XPC: variants seen among roughly 807,000 people sequenced by gnomAD.
XPC encodes XPC complex subunit, DNA damage recognition and repair factor.
Under a neutral mutation model 95.8 loss-of-function variants are expected in XPC, and 76 were observed. The observed-to-expected ratio is 0.79, with a 90% CI of 0.66 to 0.96. The LOEUF is 0.96. Among genes scored for constraint, XPC ranks in the 40% least tolerant of loss-of-function variants. The pLI is 0.00. For synonymous variants in XPC, 442 were observed against 442.1 expected (o/e 1.00, Z 0.00); for missense variants, 1,146 against 1,179.8 (o/e 0.97, Z 0.42).
intron 4 of XPC, among the ~76,000 whole-genome samples, 200 bp downstream of exon 4, chr3:14,168,057 C>G (rs1022755892): frequency 2.8e-4 from 42 of 152,176 alleles, no homozygotes; most frequent in African/African-American, 1.0e-3. Context: ...AGTTCCCTCT[C>G]CTCATCCCTC....
chr3:14,157,562 T>G (rs904609814), intron 9 of XPC, among the ~76,000 whole-genome samples: 2 of 152,182 alleles, frequency 1.3e-5, no homozygotes, highest in African/African-American at 4.8e-5. Context: ...GTATCATGTC[T>G]GTCTCATTCC....
At chr3:14,165,068 G>T in intron 6 of XPC, 135 bp from the exon 7 acceptor site, 1 of 1,325,978 alleles carries the variant, frequency 7.5e-7, no homozygotes, top group Non-Finnish European at 1.0e-6. Flanking sequence ...AGCCCGTCTA[G>T]CTAACTCCTA....
chr3:14,147,738 G>T, intron 14 of XPC, 170 bp downstream of exon 14: 1 of 635,568 alleles, frequency 1.6e-6, no homozygotes, highest in Non-Finnish European at 2.7e-6. Context: ...TCTGCGGGGT[G>T]GGCAGGAGCC....
At chr3:14,176,480 T>A (rs1170236598) in intron 1 of XPC, among the ~76,000 whole-genome samples, 1 of 152,248 alleles carries the variant, frequency 6.6e-6, no homozygotes, top group Non-Finnish European at 1.5e-5. Flanking sequence ...GTAAATGTCA[T>A]GTCAACACTA....
At chr3:14,163,585 C>A (rs552983158) in intron 7 of XPC, among the ~76,000 whole-genome samples, 1 of 151,654 alleles carries the variant, frequency 6.6e-6, no homozygotes, top group East Asian at 1.9e-4. Flanking sequence ...GTGGTTGCCA[C>A]GAGCAGGGAC....
In XPC at chr3:14,152,675, A is replaced by G. The variant is rs1695741972; in HGVS notation, c.2034-259T>C. The G allele has an allele frequency of 9.6e-6, 4 of 415,638 alleles. No homozygotes were observed. The South Asian group carries it at 1.4e-4, about 14-fold the overall frequency. 25.7% of individuals were successfully genotyped at this position (415,638 alleles called of 1,614,324 possible). A position where few individuals can be genotyped will look rare whatever the true frequency, so the allele number is the denominator to read the frequency against. The stretch of plus-strand genomic sequence containing the variant: ...CTTGCCTCCACCACTCCTCCCCTTC[A>G]TAGGTTTTCTTCTCCTCTGCTGTCC... On this transcript the variant is annotated intron_variant, in intron 10 of 15. Coordinates refer to ENST00000285021, the MANE Select transcript of XPC (RefSeq NM_004628.5).
chr3:14,154,921 C>T (rs1695841368), intron 10 of XPC, among the ~76,000 whole-genome samples: 1 of 151,886 alleles, frequency 6.6e-6, no homozygotes, highest in African/African-American at 2.4e-5. Flanking sequence ...AAATATGCAC[C>T]TCTAATGCTT....
chr3:14,157,685 C>T (rs1171214888), intron 9 of XPC, among the ~76,000 whole-genome samples: 1 of 152,064 alleles, frequency 6.6e-6, no homozygotes, highest in Non-Finnish European at 1.5e-5. Flanking sequence ...TGGGTTATTC[C>T]TTCTTTCACT....
At position 14,173,593 on chromosome 3, in the gene XPC, C is replaced by G. The variant is rs182148525; in HGVS notation, c.104-531G>C. The stretch of plus-strand genomic sequence containing the variant: ...ATGTAACCCAAATGGCACTCATATA[C>G]CAACCACCTCAGCAAACTTACAGTT... On this transcript the variant is annotated intron_variant, in intron 1 of 15. Coordinates refer to ENST00000285021, the MANE Select transcript of XPC (RefSeq NM_004628.5). Among the ~76,000 whole-genome samples, 254 of 152,228 alleles carry G rather than the reference C, an allele frequency of 1.7e-3. 4 individuals carry two copies. The highest frequency in any genetic ancestry group is 0.016 in the Admixed American group (243 of 15,296).
chr3:14,178,511 T>C lies in XPC; in HGVS notation c.58A>G (p.Lys20Glu). The change falls in exon 1 of 16, where the codon AAA (lysine) becomes GAA (glutamate). Residue 20 changes from lysine to glutamate, a missense_variant. Coordinates refer to ENST00000285021, the MANE Select transcript of XPC (RefSeq NM_004628.5). The stretch of plus-strand genomic sequence containing the variant: ...CGGGCCTTGCTCTTGGCCTTGGATT[T>C]CTGGCTGCGCAGTTCGCGTCCCCGC... ...EPRGRELRSQKSKAKSKARRE... is the reference protein window; with the variant it reads ...EPRGRELRSQESKAKSKARRE... The C allele has an allele frequency of 1.2e-6, 2 of 1,612,826 alleles. No individual in the cohort carries two copies. Among genetic ancestry groups the C allele is most frequent in the Non-Finnish European group, 1.7e-6 (2 of 1,179,508 alleles).
chr3:14,146,884 C>T (rs1356909610), intron 15 of XPC, among the ~76,000 whole-genome samples: 2 of 152,200 alleles, frequency 1.3e-5, no homozygotes, highest in Non-Finnish European at 2.9e-5. Context: ...TGGCCTGGCA[C>T]ATGGCAGGTG....
chr3:14,167,380 C>T, intron 4 of XPC, 127 bp from the exon 5 acceptor site: 1 of 800,556 alleles, frequency 1.2e-6, no homozygotes, highest in Non-Finnish European at 1.9e-6. Flanking sequence ...CAAGGCTGTG[C>T]TACTCAAGTC....
At chr3:14,162,537 A>C (rs1696205385) in intron 7 of XPC, among the ~76,000 whole-genome samples, 1 of 152,200 alleles carries the variant, frequency 6.6e-6, no homozygotes, top group East Asian at 1.9e-4. Context: ...CCATTGAAAA[A>C]ATTGTCTCTT....
chr3:14,149,224 C>T (rs1044969384), intron 11 of XPC, among the ~76,000 whole-genome samples: 2 of 152,074 alleles, frequency 1.3e-5, no homozygotes, highest in Admixed American at 6.5e-5. Context: ...GCTGGGATTA[C>T]AGGTGCCTGC....
Position 14,172,974 on chromosome 3 carries a change from C to T in XPC, c.192G>A (p.Gly64=). The change falls in exon 2 of 16, where the codon GGG becomes GGA. Residue 64 remains glycine (G), a synonymous_variant. Coordinates refer to ENST00000285021, the MANE Select transcript of XPC (RefSeq NM_004628.5). Reference sequence around the variant, plus strand: ...TTTTTGCTGGACCATCTGCTGAACCCCCAGGATGACTGCAGCCTCTTTTCC... The same window carrying T: ...TTTTTGCTGGACCATCTGCTGAACCTCCAGGATGACTGCAGCCTCTTTTCC... ...GKRKRGCSHP[G]GSADGPAKKK... is the part of the protein sequence containing the mutation. 6.2e-7 allele frequency: 1 copy of T among 1,613,868 alleles called. No homozygotes were observed. The highest frequency in any genetic ancestry group is 8.5e-7 in the Non-Finnish European group (1 of 1,179,834).
chr3:14,176,564 A>AT (rs1461433671), intron 1 of XPC, among the ~76,000 whole-genome samples: 2 of 152,256 alleles, frequency 1.3e-5, no homozygotes, highest in Admixed American at 6.5e-5. Flanking sequence ...GATACTCAAA[A>AT]GATGTTATTT....
In XPC at chr3:14,146,070, C is replaced by A. The variant is rs762735579; in HGVS notation, c.2694G>T (p.Arg898Ser). ...EGTSSQAEAA[R>S]ILAASWPQNR... ...TTTGAGGCCAGGAGGCAGCCAGTAT[C>A]CTGGCCGCTTCTGCTTGAGAGCTGG... The change falls in exon 16 of 16, where the codon AGG becomes AGT. Residue 898 changes from arginine (R) to serine (S), a missense_variant. By Grantham distance (110) the Arg-to-Ser change is moderately radical. Coordinates refer to ENST00000285021, the MANE Select transcript of XPC (RefSeq NM_004628.5). 7.4e-6 allele frequency: 12 copies of A among 1,612,584 alleles called. No individual in the cohort carries two copies. In the African/African-American group the frequency reaches 1.5e-4, roughly 20 times the overall value.
At chr3:14,154,767 TA>T (rs1416077102) in intron 10 of XPC, among the ~76,000 whole-genome samples, 4 of 141,186 alleles carry the variant, frequency 2.8e-5, no homozygotes, top group Non-Finnish European at 6.2e-5. Context: ...GCTGTACACT[TA>T]AAAAATGGTT....
intron 9 of XPC, among the ~76,000 whole-genome samples, chr3:14,156,839 A>C (rs1397990337): frequency 6.6e-6 from 1 of 152,234 alleles, no homozygotes; most frequent in East Asian, 1.9e-4. Context: ...GTCTTATTTC[A>C]AAGGGACAAT....
Sources: allele counts gnomAD v4.1 joint callset (sites outside exome capture counted in the v4.1 genomes callset), GRCh38; gene constraint gnomAD v4.1.1; transcripts MANE v1.5; gene names NCBI Gene and HGNC (gene_info 2026-07-23, HGNC 2026-07-21).